TRIM9: variants seen among roughly 807,000 people sequenced by gnomAD.
TRIM9 encodes the protein tripartite motif containing 9.
A neutral mutation model predicts 78.3 loss-of-function variants in TRIM9; 26 were observed. The ratio of observed to expected loss-of-function variants is 0.33; its 90% CI spans 0.24 to 0.46. TRIM9 has a LOEUF of 0.46. TRIM9 is among the 20% of genes least tolerant of loss of function. TRIM9 has a pLI of 1.00. For synonymous variants in TRIM9, 398 were observed against 416.5 expected, an observed-to-expected ratio of 0.96 and a Z score of 0.54; for missense variants, 787 against 1,036.4, an observed-to-expected ratio of 0.76 and a Z score of 3.30.
At chr14:50,990,124 C>T (rs1335189977) in intron 7 of TRIM9, among the ~76,000 whole-genome samples, 1 of 152,124 alleles carries the variant, frequency 6.6e-6, no homozygotes, top group Non-Finnish European at 1.5e-5. Context: ...CTCAAGGGAT[C>T]CTCCTCCCTC....
chr14:51,028,989 G>A (rs1239494724), intron 1 of TRIM9, among the ~76,000 whole-genome samples: 1 of 152,080 alleles, frequency 6.6e-6, no homozygotes, highest in East Asian at 1.9e-4. Context: ...ACTGACTGTG[G>A]AGGACGTTTC....
chr14:51,059,125 A>G (rs1596288294), intron 1 of TRIM9, among the ~76,000 whole-genome samples: 2 of 152,180 alleles, frequency 1.3e-5, no homozygotes, highest in African/African-American at 4.8e-5. Context: ...CCACCTCCAC[A>G]ATGGTCCTGG....
rs186204265 is a variant in TRIM9, at chr14:51,084,788, C to T, written c.822+9330G>A. On this transcript the variant is annotated intron_variant, in intron 1 of 12. Coordinates refer to ENST00000684578, the MANE Select transcript of TRIM9 (RefSeq NM_001387360.1). The stretch of plus-strand genomic sequence containing the variant: ...ATGGACTATATATATCTAGTAAAGT[C>T]AGCTGTTGATTTTTGTTTGCACTGA... Among the ~76,000 whole-genome samples, 79 of 152,160 alleles carry T rather than the reference C, an allele frequency of 5.2e-4. 1 individual carries two copies. Among genetic ancestry groups the T allele is most frequent in the African/African-American group, 1.9e-3 (77 of 41,522 alleles).
At chr14:50,996,419 CA>C (rs2054211081) in intron 7 of TRIM9, 1 of 985,318 alleles carries the variant, frequency 1.0e-6, no homozygotes, top group Admixed American at 6.1e-5. Context: ...AAACGAGAGA[CA>C]TAAGTGCTCA....
intron 1 of TRIM9, among the ~76,000 whole-genome samples, chr14:51,027,471 A>C (rs1481452224): frequency 6.6e-6 from 1 of 151,242 alleles, no homozygotes; most frequent in Non-Finnish European, 1.5e-5. Context: ...TGTTTTCTTC[A>C]TTCTTGCTCA....
At position 51,011,611 on chromosome 14, in the gene TRIM9, CA is replaced by C. The variant is rs1356889799; in HGVS notation, c.1042-1118del. On this transcript the variant is annotated intron_variant, in intron 3 of 12. Coordinates refer to ENST00000684578, the MANE Select transcript of TRIM9 (RefSeq NM_001387360.1). The stretch of plus-strand genomic sequence containing the variant: ...TGTTTTGGATTTTATGGATAATAGC[CA>C]AAAGAGAATCTAATAATAATTATTT... Among the ~76,000 whole-genome samples, 3 of 152,256 alleles carry C rather than the reference CA, an allele frequency of 2.0e-5. No individual in the cohort carries two copies. The South Asian group carries it at 6.2e-4, about 32-fold the overall frequency.
At chr14:51,030,318 T>C (rs973825303) in intron 1 of TRIM9, among the ~76,000 whole-genome samples, 1 of 152,260 alleles carries the variant, frequency 6.6e-6, no homozygotes, top group African/African-American at 2.4e-5. Flanking sequence ...TCCTCCTGCT[T>C]GCACCTTTAG....
At chr14:51,043,722 C>G (rs911618124) in intron 1 of TRIM9, among the ~76,000 whole-genome samples, 1 of 152,120 alleles carries the variant, frequency 6.6e-6, no homozygotes, top group African/African-American at 2.4e-5. Flanking sequence ...CTTTTTAGTT[C>G]TCTAGCAGCA....
intron 3 of TRIM9, among the ~76,000 whole-genome samples, chr14:51,018,259 A>T (rs1370887728): frequency 6.6e-6 from 1 of 150,834 alleles, no homozygotes; most frequent in African/African-American, 2.4e-5. Context: ...TTTTTTTGTG[A>T]GCTGGGATGG....
At chr14:51,050,670 G>A (rs1342713930) in intron 1 of TRIM9, among the ~76,000 whole-genome samples, 1 of 152,118 alleles carries the variant, frequency 6.6e-6, no homozygotes, top group Non-Finnish European at 1.5e-5. Context: ...GATCCTATGT[G>A]CCTTCTGAAG....
chr14:51,075,677 C>T (rs1048959794), intron 1 of TRIM9, among the ~76,000 whole-genome samples: 3 of 152,014 alleles, frequency 2.0e-5, no homozygotes, highest in Admixed American at 1.3e-4. Context: ...AGTGAGAGTC[C>T]GAAGGCCTTG....
At position 50,975,732 on chromosome 14, in the gene TRIM9, G is replaced by C. The variant is rs1433589450; in HGVS notation, c.*1559C>G. 2 of 152,406 alleles carry C rather than the reference G, an allele frequency of 1.3e-5. No homozygotes were observed. The highest frequency in any genetic ancestry group is 4.8e-5 in the African/African-American group (2 of 41,358). The allele number at this position is 152,406 out of a possible 1,614,324, so 9.4% of individuals were successfully genotyped here. A position where few individuals can be genotyped will look rare whatever the true frequency, so the allele number is the denominator to read the frequency against. ...TATTTGTTATTCTTGTTTTTTCATGGTGAATTTCTTGGCTCACTGAAAAAT... is the reference window on the plus strand; with the variant it reads ...TATTTGTTATTCTTGTTTTTTCATGCTGAATTTCTTGGCTCACTGAAAAAT... On this transcript the variant is annotated 3_prime_UTR_variant, in exon 13 of 13. Coordinates refer to ENST00000684578, the MANE Select transcript of TRIM9 (RefSeq NM_001387360.1).
chr14:50,996,320 G>A, intron 7 of TRIM9: 19 of 985,258 alleles, frequency 1.9e-5, no homozygotes, highest in Non-Finnish European at 2.2e-5. Context: ...ACCAAGGATC[G>A]CAGTTCCAAT....
chr14:51,004,437 AT>A (rs146612131), intron 5 of TRIM9, among the ~76,000 whole-genome samples: 259 of 150,298 alleles, frequency 1.7e-3, no homozygotes, highest in Non-Finnish European at 3.2e-3. Context: ...TATTTGTTTA[AT>A]TTTTTTTTTC....
intron 1 of TRIM9, among the ~76,000 whole-genome samples, chr14:51,048,703 G>A (rs1033156325): frequency 1.3e-5 from 2 of 152,090 alleles, no homozygotes; most frequent in African/African-American, 4.8e-5. Context: ...CCATCTCGGG[G>A]GCCGGGCGCA....
intron 1 of TRIM9, among the ~76,000 whole-genome samples, chr14:51,055,966 AT>A (rs1292015024): frequency 2.0e-5 from 3 of 152,258 alleles, no homozygotes; most frequent in Non-Finnish European, 4.4e-5. Flanking sequence ...GAAAAGTATA[AT>A]GATGCAATCC....
intron 3 of TRIM9, among the ~76,000 whole-genome samples, chr14:51,019,005 T>C (rs950268689): frequency 6.6e-6 from 1 of 152,230 alleles, no homozygotes; most frequent in Non-Finnish European, 1.5e-5. Context: ...TTTTCAGATA[T>C]GTCTTTGGGC....
rs369630215 is a variant in TRIM9 at position 51,061,415 on chromosome 14, G to GAAAA, written c.822+32699_822+32702dup. Among the ~76,000 whole-genome samples, 213 of 133,856 alleles carry GAAAA rather than the reference G, an allele frequency of 1.6e-3. 3 individuals carry two copies. Among genetic ancestry groups the GAAAA allele is most frequent in the Non-Finnish European group, 2.3e-3 (143 of 62,290 alleles). 87.8% of individuals were successfully genotyped at this position (133,856 alleles called of 152,430 possible). On this transcript the variant is annotated intron_variant, in intron 1 of 12. Coordinates refer to ENST00000684578, the MANE Select transcript of TRIM9 (RefSeq NM_001387360.1). ...GTGACAAAGCAAGACTCTGTCTCAA[G>GAAAA]AAAAAAAAAAAAAAAATTGGATTGT...
At chr14:51,091,782 G>A (rs2064354329) in intron 1 of TRIM9, among the ~76,000 whole-genome samples, 6 of 152,104 alleles carry the variant, frequency 3.9e-5, no homozygotes, top group Admixed American at 3.9e-4. Flanking sequence ...TGGTCTTCTA[G>A]CCTACTTATG....
Sources: allele counts gnomAD v4.1 joint callset (sites outside exome capture counted in the v4.1 genomes callset), GRCh38; gene constraint gnomAD v4.1.1; transcripts MANE v1.5; gene names NCBI Gene and HGNC (gene_info 2026-07-23, HGNC 2026-07-21).